HLTF: variants seen among roughly 807,000 people sequenced by gnomAD.
The protein encoded by HLTF is DNA-dependent ATPase/E3 ubiquitin-protein ligase HLTF.
HLTF carries 127 observed loss-of-function variants against 129.4 expected under a neutral mutation model. The observed-to-expected ratio is 0.98, with a 90% CI of 0.85 to 1.14. The LOEUF (loss-of-function observed/expected upper bound fraction) is 1.14, where lower values mean the gene tolerates loss of function less well. Ranked by LOEUF, HLTF falls within the 50% of genes most tolerant of loss-of-function variation. HLTF has a pLI of 0.00. For missense variants in HLTF, 1,139 were observed against 1,187.1 expected (o/e 0.96, Z 0.60); for synonymous variants, 332 against 388.8 (o/e 0.85, Z 1.72).
At chr3:149,076,689 T>C (rs1376949992) in intron 2 of HLTF, among the ~76,000 whole-genome samples, 1 of 152,196 alleles carries the variant, frequency 6.6e-6, no homozygotes, top group Non-Finnish European at 1.5e-5. Context: ...TATTAAAAAC[T>C]GTATGATTTA....
intron 9 of HLTF, among the ~76,000 whole-genome samples, chr3:149,064,400 T>C (rs1368480965): frequency 6.6e-6 from 1 of 152,262 alleles, no homozygotes; most frequent in Non-Finnish European, 1.5e-5. Context: ...CTCCTATGAC[T>C]TCAGAATTTG....
chr3:149,072,158 C>T (rs1188704569), intron 5 of HLTF, among the ~76,000 whole-genome samples: 5 of 152,082 alleles, frequency 3.3e-5, no homozygotes, highest in South Asian at 2.1e-4. Flanking sequence ...CACTGAAGAG[C>T]GAATGAACAG....
At position 149,033,442 on chromosome 3, in the gene HLTF, C is replaced by A. The variant is rs1223775733; in HGVS notation, c.2878-1070G>T. Among the ~76,000 whole-genome samples, 4 of 151,954 alleles carry A rather than the reference C, an allele frequency of 2.6e-5. No individual in the cohort carries two copies. In the East Asian group the frequency reaches 7.7e-4, roughly 29 times the overall value. ...TTCAATTCAAGAGCAATAATAATAA[C>A]CACCAATACAATTTTCAAAAAGGGT... On this transcript the variant is annotated intron_variant, in intron 24 of 24. Coordinates refer to ENST00000310053, the MANE Select transcript of HLTF (RefSeq NM_003071.4).
intron 2 of HLTF, among the ~76,000 whole-genome samples, chr3:149,078,033 C>T (rs964428466): frequency 1.3e-5 from 2 of 152,040 alleles, no homozygotes; most frequent in East Asian, 3.9e-4. Flanking sequence ...AACAAACACA[C>T]ACTAATTACA....
intron 8 of HLTF, among the ~76,000 whole-genome samples, chr3:149,067,640 C>T (rs1041002107): frequency 2.0e-5 from 3 of 151,486 alleles, no homozygotes; most frequent in African/African-American, 7.3e-5. Context: ...GTAGGTGGAA[C>T]TACAGGTGCC....
rs751165617 is a variant in HLTF, at chr3:149,042,336, T to C, written c.2073-46A>G. 5 of 1,503,864 alleles carry C rather than the reference T, an allele frequency of 3.3e-6. No homozygotes were observed. The Admixed American group carries it at 5.4e-5, about 16-fold the overall frequency. 93.2% of individuals were successfully genotyped at this position (1,503,864 alleles called of 1,614,324 possible). A position where few individuals can be genotyped will look rare whatever the true frequency, so the allele number is the denominator to read the frequency against. On this transcript the variant is annotated intron_variant, in intron 18 of 24. Coordinates refer to ENST00000310053, the MANE Select transcript of HLTF (RefSeq NM_003071.4). ...TATTATTAAGTCCGCTAAACAATAA[T>C]AACTTCCTATTCTAAAACAGCAGAG...
At chr3:149,057,027 T>C (rs1163636038) in intron 13 of HLTF, among the ~76,000 whole-genome samples, 1 of 135,696 alleles carries the variant, frequency 7.4e-6, no homozygotes, top group Non-Finnish European at 1.5e-5. Flanking sequence ...GAGAATGGCG[T>C]GAACCCCAGG....
intron 2 of HLTF, among the ~76,000 whole-genome samples, chr3:149,076,952 T>C (rs1454460762): frequency 6.6e-6 from 1 of 152,122 alleles, no homozygotes; most frequent in Non-Finnish European, 1.5e-5. Context: ...AGCAATCCTG[T>C]AGCCTTTAAA....
chr3:149,039,752 A>G (rs977905466), intron 21 of HLTF, 59 bp from the exon 22 acceptor site: 2 of 926,822 alleles, frequency 2.2e-6, no homozygotes, highest in African/African-American at 3.4e-5. Context: ...AATTAGTCTA[A>G]AAGTTTTTAT....
intron 5 of HLTF, among the ~76,000 whole-genome samples, chr3:149,071,960 G>T (rs763705831): frequency 6.6e-6 from 1 of 152,090 alleles, no homozygotes; most frequent in Admixed American, 6.6e-5. Context: ...TGCTGAGATG[G>T]GAGGATCACT....
intron 4 of HLTF, among the ~76,000 whole-genome samples, chr3:149,073,911 G>T (rs1719091089): frequency 6.6e-6 from 1 of 152,062 alleles, no homozygotes; most frequent in Non-Finnish European, 1.5e-5. Context: ...AAAGTCAGGG[G>T]TTTCCAGATG....
rs993878073 is a variant in HLTF at position 149,074,245 on chromosome 3, G to A, written c.499C>T (p.His167Tyr). The change falls in exon 4 of 25, where the codon CAT becomes TAT. Residue 167 changes from histidine (H) to tyrosine (Y), a missense_variant. His to Tyr is a moderately conservative substitution (Grantham distance 83). Coordinates refer to ENST00000310053, the MANE Select transcript of HLTF (RefSeq NM_003071.4). The part of the protein sequence containing the change: ...RKAVSDQLKK[H>Y]GFKLGPAPKT... ...GGTGCAGGACCCAATTTAAATCCAT[G>A]TTTCTTCAACTGATCTGAAACCGCT... 2 of 1,613,242 alleles carry A rather than the reference G, an allele frequency of 1.2e-6. No homozygotes were observed. Among genetic ancestry groups the A allele is most frequent in the African/African-American group, 2.7e-5 (2 of 74,866 alleles).
Position 149,030,304 on chromosome 3 carries a change from T to A in HLTF, c.*1916A>T, listed in dbSNP as rs1308964349. 6.6e-6 allele frequency: 1 copy of A among 152,078 alleles called. No individual in the cohort carries two copies. Among genetic ancestry groups the A allele is most frequent in the African/African-American group, 2.4e-5 (1 of 41,430 alleles). The allele number at this position is 152,078 out of a possible 1,614,324, so 9.4% of individuals were successfully genotyped here. A position where few individuals can be genotyped will look rare whatever the true frequency, so the allele number is the denominator to read the frequency against. Reference sequence around the variant, plus strand: ...TTCATTCCAGTGGCTTTTTTATATATTTATCCTTCTTAGGAAGGACAAATT... The same window carrying A: ...TTCATTCCAGTGGCTTTTTTATATAATTATCCTTCTTAGGAAGGACAAATT... On this transcript the variant is annotated 3_prime_UTR_variant, in exon 25 of 25. Transcript: ENST00000310053.
chr3:149,074,133 C>T (rs1719121813), intron 4 of HLTF, 82 bp downstream of exon 4: 1 of 1,367,262 alleles, frequency 7.3e-7, no homozygotes, highest in Non-Finnish European at 9.7e-7. Context: ...AATTAGCCAA[C>T]AAACTCCAAG....
intron 2 of HLTF, 132 bp downstream of exon 2, chr3:149,084,550 T>C (rs1425759793): frequency 1.5e-6 from 1 of 688,738 alleles, no homozygotes; most frequent in Non-Finnish European, 2.4e-6. Flanking sequence ...ATTTGTTATT[T>C]TTTGCGTACA....
At chr3:149,054,256 C>T (rs749300741) in intron 14 of HLTF, among the ~76,000 whole-genome samples, 19 of 151,786 alleles carry the variant, frequency 1.3e-4, no homozygotes, top group Non-Finnish European at 2.2e-4. Context: ...AAGAGTATGA[C>T]AGTGAAGGAA....
intron 14 of HLTF, among the ~76,000 whole-genome samples, chr3:149,054,249 A>T (rs760121386): frequency 6.6e-6 from 1 of 152,162 alleles, no homozygotes; most frequent in Non-Finnish European, 1.5e-5. Flanking sequence ...AACCTCCAAG[A>T]GTATGACAGT....
chr3:149,064,741 ATTAAAGT>A, intron 9 of HLTF, 43 bp downstream of exon 9: 1 of 1,122,878 alleles, frequency 8.9e-7, no homozygotes, highest in South Asian at 1.3e-5. Context: ...TCATATTCAA[ATTAAAGT>A]TTACCAGATC....
chr3:149,073,104 A>G (rs1485325100), intron 5 of HLTF, 121 bp downstream of exon 5: 3 of 493,926 alleles, frequency 6.1e-6, no homozygotes, highest in Non-Finnish European at 1.1e-5. Context: ...ATGTTTCATT[A>G]TAACTTAATA....
Sources: allele counts gnomAD v4.1 joint callset (sites outside exome capture counted in the v4.1 genomes callset), GRCh38; gene constraint gnomAD v4.1.1; transcripts MANE v1.5; gene names NCBI Gene and HGNC (gene_info 2026-07-23, HGNC 2026-07-21).